The following ACVR1C variants were observed in gnomAD, a reference collection of about 807,000 sequenced individuals.
The protein encoded by ACVR1C is activin A receptor type 1C.
ACVR1C carries 23 observed loss-of-function variants against 57.9 expected under a neutral mutation model. That is an observed-to-expected ratio of 0.40 (90% CI 0.29 to 0.56). The LOEUF is 0.56. ACVR1C is among the 20% of genes least tolerant of loss of function. The pLI is 0.50. For missense variants in ACVR1C, 480 were observed against 607.9 expected (o/e 0.79, Z 2.21); for synonymous variants, 214 against 215.3 (o/e 0.99, Z 0.05).
chr2:157,546,214 G>A (rs947856386), intron 4 of ACVR1C, among the ~76,000 whole-genome samples: 6 of 152,204 alleles, frequency 3.9e-5, no homozygotes, highest in African/African-American at 1.4e-4. Context: ...TCAAGATTAG[G>A]AGGGAAAAGA....
intron 4 of ACVR1C, among the ~76,000 whole-genome samples, chr2:157,549,871 C>T (rs1342350157): frequency 5.5e-5 from 8 of 145,228 alleles, no homozygotes; most frequent in Non-Finnish European, 9.1e-5. Context: ...GGCGTAGTGG[C>T]GGGCGCCTGT....
At chr2:157,561,182 A>G (rs577647510) in intron 2 of ACVR1C, among the ~76,000 whole-genome samples, 21 of 152,168 alleles carry the variant, frequency 1.4e-4, no homozygotes, top group Non-Finnish European at 2.9e-4. Flanking sequence ...ATTAAAACCA[A>G]TCCCCCTCCT....
intron 1 of ACVR1C, among the ~76,000 whole-genome samples, chr2:157,615,452 G>T (rs1443492481): frequency 1.3e-5 from 2 of 151,908 alleles, no homozygotes; most frequent in Non-Finnish European, 2.9e-5. Flanking sequence ...ATAGCTCACT[G>T]CAGCCTTGAC....
At chr2:157,595,539 C>T (rs899856371) in intron 1 of ACVR1C, among the ~76,000 whole-genome samples, 1 of 152,202 alleles carries the variant, frequency 6.6e-6, no homozygotes, top group Non-Finnish European at 1.5e-5. Flanking sequence ...CTTACCCTGG[C>T]AGCCTAAATG....
chr2:157,565,962 A>G (rs1252324150), intron 2 of ACVR1C, among the ~76,000 whole-genome samples: 2 of 152,230 alleles, frequency 1.3e-5, no homozygotes, highest in African/African-American at 4.8e-5. Context: ...CATAAAAAGT[A>G]TAAAGAACTT....
intron 1 of ACVR1C, among the ~76,000 whole-genome samples, chr2:157,599,610 T>C (rs1334150843): frequency 6.6e-6 from 1 of 152,176 alleles, no homozygotes; most frequent in Non-Finnish European, 1.5e-5. Flanking sequence ...ACTTGGAAGA[T>C]AGTATGCGTT....
rs1478609673 is a variant in ACVR1C at position 157,576,902 on chromosome 2, C to A, written c.304+10285G>T. Among the ~76,000 whole-genome samples, 2 of 35,902 alleles carry A rather than the reference C, an allele frequency of 5.6e-5. 1 individual carries two copies. The highest frequency in any genetic ancestry group is 1.1e-4 in the Non-Finnish European group (2 of 17,794). The allele number at this position is 35,902 out of a possible 152,430, so 23.6% of individuals were successfully genotyped here. ...TCGCTCTGTCGCCCAGGCCGGACTG[C>A]GGACTGCAGTGGCACAATCTCGGCT... On this transcript the variant is annotated intron_variant, in intron 2 of 8. Transcript: ENST00000243349.
intron 2 of ACVR1C, among the ~76,000 whole-genome samples, chr2:157,565,302 A>C (rs575014665): frequency 6.6e-6 from 1 of 152,172 alleles, no homozygotes; most frequent in East Asian, 1.9e-4. Flanking sequence ...TTTTTTGTCT[A>C]GTCCTCCCGT....
rs546931961 is a variant in ACVR1C at position 157,612,351 on chromosome 2, C to T, written c.73+16221G>A. ...AGCCAGCTCCAAACAGGCAGCCCAC[C>T]CCAGCCTCTGGCAGCAGCAAGGGCA... On this transcript the variant is annotated intron_variant, in intron 1 of 8. Transcript: ENST00000243349. Among the ~76,000 whole-genome samples, 5 of 151,506 alleles carry T rather than the reference C, an allele frequency of 3.3e-5. No homozygotes were observed. In the East Asian group the frequency reaches 9.8e-4, roughly 30 times the overall value.
At chr2:157,588,533 C>T (rs1688980691) in intron 1 of ACVR1C, among the ~76,000 whole-genome samples, 1 of 151,756 alleles carries the variant, frequency 6.6e-6, no homozygotes, top group African/African-American at 2.4e-5. Context: ...GTGTACCCAT[C>T]ACCCAAATGG....
At chr2:157,604,638 A>T (rs182084048) in intron 1 of ACVR1C, among the ~76,000 whole-genome samples, 4 of 152,058 alleles carry the variant, frequency 2.6e-5, no homozygotes, top group Admixed American at 2.6e-4. Flanking sequence ...TTAACTTTAC[A>T]TAGAATTGCC....
intron 1 of ACVR1C, among the ~76,000 whole-genome samples, chr2:157,609,387 C>T (rs925159684): frequency 1.3e-5 from 2 of 151,976 alleles, no homozygotes; most frequent in Non-Finnish European, 1.5e-5. Context: ...TGCAACCTAA[C>T]ACATGATCTC....
At chr2:157,538,354 G>T (rs1687536462) in intron 8 of ACVR1C, among the ~76,000 whole-genome samples, 1 of 152,162 alleles carries the variant, frequency 6.6e-6, no homozygotes, top group African/African-American at 2.4e-5. Context: ...ATAAAGTCTT[G>T]TGGAAAGTCA....
intron 1 of ACVR1C, chr2:157,597,533 T>A: frequency 1.0e-6 from 1 of 985,368 alleles, no homozygotes; most frequent in Non-Finnish European, 1.2e-6. Flanking sequence ...CCCGCGGGGC[T>A]CGGCCACCTG....
chr2:157,590,160 A>C (rs1689029219), intron 1 of ACVR1C, among the ~76,000 whole-genome samples: 1 of 151,906 alleles, frequency 6.6e-6, no homozygotes, highest in African/African-American at 2.4e-5. Flanking sequence ...TGCAACAAAA[A>C]CAAAAATAAA....
chr2:157,626,019 G>C (rs1682888235), intron 1 of ACVR1C, among the ~76,000 whole-genome samples: 1 of 152,152 alleles, frequency 6.6e-6, no homozygotes. Context: ...CCAGGCTGGA[G>C]TGCAGTGGTG....
chr2:157,542,870 G>A lies in ACVR1C; in HGVS notation c.944-8C>T. 6.2e-7 allele frequency: 1 copy of A among 1,612,756 alleles called. No individual in the cohort carries two copies. The highest frequency in any genetic ancestry group is 8.5e-7 in the Non-Finnish European group (1 of 1,179,360). ...GAGCAATAGCAGGTTTACCTATGAA[G>A]CAAAGAAGAACATATTCATTTTTTT... On this transcript the variant is annotated splice_polypyrimidine_tract_variant and splice_region_variant and intron_variant, in intron 5 of 8. Transcript: ENST00000243349.
At chr2:157,588,304 G>A (rs1688976294) in intron 1 of ACVR1C, among the ~76,000 whole-genome samples, 1 of 151,526 alleles carries the variant, frequency 6.6e-6, no homozygotes, top group South Asian at 2.1e-4. Flanking sequence ...CCAAAGTGGT[G>A]CCTATTTATG....
chr2:157,551,865 G>A (rs1480042613), intron 3 of ACVR1C, among the ~76,000 whole-genome samples: 1 of 152,122 alleles, frequency 6.6e-6, no homozygotes, highest in Admixed American at 6.5e-5. Context: ...ATAAGCACAG[G>A]CTAAATAAGC....
Sources: gnomAD v4.1 joint callset for allele counts (sites outside exome capture counted in the v4.1 genomes callset) on GRCh38, gnomAD v4.1.1 for gene constraint, MANE v1.5 for transcripts, NCBI Gene and HGNC (gene_info 2026-07-23, HGNC 2026-07-21) for gene names.